Variants in LRP1B observed in about 807,000 individuals in gnomAD.
LRP1B encodes the protein low-density lipoprotein receptor-related protein 1B.
Under a neutral mutation model 556.6 loss-of-function variants are expected in LRP1B, and 217 were observed. The observed-to-expected ratio is 0.39, with a 90% CI of 0.35 to 0.44. The LOEUF (loss-of-function observed/expected upper bound fraction) is 0.44. Among genes scored for constraint, LRP1B ranks in the 20% least tolerant of loss-of-function variants. LRP1B has a pLI of 1.00. For synonymous variants in LRP1B, 2,047 were observed against 1,865.8 expected, an observed-to-expected ratio of 1.10 and a Z score of -2.50; for missense variants, 5,053 against 5,620.8, an observed-to-expected ratio of 0.90 and a Z score of 3.23.
intron 3 of LRP1B, among the ~76,000 whole-genome samples, chr2:141,270,468 G>A (rs1685047624): frequency 6.6e-6 from 1 of 152,002 alleles, no homozygotes; most frequent in African/African-American, 2.4e-5. Context: ...GTCTCAAAGA[G>A]ATATTTGTAC....
intron 83 of LRP1B, among the ~76,000 whole-genome samples, chr2:140,302,013 T>C (rs891872713): frequency 6.6e-6 from 1 of 152,076 alleles, no homozygotes; most frequent in Admixed American, 6.6e-5. Flanking sequence ...ATTATCTTCT[T>C]CAAATTTTCT....
chr2:141,426,895 C>A (rs1034085519), intron 3 of LRP1B, among the ~76,000 whole-genome samples: 2 of 152,060 alleles, frequency 1.3e-5, no homozygotes, highest in African/African-American at 4.8e-5. Context: ...TTTTATTATA[C>A]TTTAAGTTCT....
chr2:141,791,561 A>T (rs965961530), intron 2 of LRP1B, among the ~76,000 whole-genome samples: 7 of 152,066 alleles, frequency 4.6e-5, no homozygotes, highest in African/African-American at 1.7e-4. Context: ...GTAGTGCCTA[A>T]TATTTGCAAT....
chr2:142,091,141 TAAG>T (rs1238722249), intron 1 of LRP1B, among the ~76,000 whole-genome samples: 1 of 152,128 alleles, frequency 6.6e-6, no homozygotes, highest in Non-Finnish European at 1.5e-5. Flanking sequence ...AAAAACTGAA[TAAG>T]AAGACTGCTC....
At chr2:141,390,769 G>T (rs543443222) in intron 3 of LRP1B, among the ~76,000 whole-genome samples, 10 of 152,308 alleles carry the variant, frequency 6.6e-5, no homozygotes, top group South Asian at 6.2e-4. Context: ...AGTTTTTAGG[G>T]GCTGGAGTGA....
At chr2:141,470,190 T>C (rs3936045) in intron 3 of LRP1B, among the ~76,000 whole-genome samples, 104,230 of 152,052 alleles carry the variant, frequency 0.69, 37,174 homozygotes, top group East Asian at 0.84. Context: ...CCAGATTCCA[T>C]CATGAAAGTT....
intron 42 of LRP1B, among the ~76,000 whole-genome samples, chr2:140,601,116 T>C (rs917942035): frequency 6.6e-6 from 1 of 151,308 alleles, no homozygotes; most frequent in African/African-American, 2.4e-5. Context: ...TAGTCTTCCG[T>C]GTATGTTAAT....
chr2:140,745,532 C>A (rs892899236), intron 35 of LRP1B, among the ~76,000 whole-genome samples: 1 of 152,100 alleles, frequency 6.6e-6, no homozygotes, highest in African/African-American at 2.4e-5. Flanking sequence ...AAACAAGTTG[C>A]AAGATGAGTA....
At chr2:141,089,382 A>G (rs1700122041) in intron 7 of LRP1B, among the ~76,000 whole-genome samples, 1 of 152,228 alleles carries the variant, frequency 6.6e-6, no homozygotes, top group Non-Finnish European at 1.5e-5. Flanking sequence ...TTTGGCAGAT[A>G]TATTCTTTTG....
intron 27 of LRP1B, 127 bp from the exon 28 acceptor site, chr2:140,851,910 G>A: frequency 1.5e-6 from 1 of 651,880 alleles, no homozygotes; most frequent in Non-Finnish European, 2.5e-6. Context: ...CATTAGTAGG[G>A]TGATTAATAT....
intron 32 of LRP1B, among the ~76,000 whole-genome samples, chr2:140,779,463 A>G (rs1408299220): frequency 6.6e-6 from 1 of 152,150 alleles, no homozygotes; most frequent in African/African-American, 2.4e-5. Flanking sequence ...TTGGGAGGCC[A>G]AAGTGGGTGG....
At chr2:140,498,564 C>A (rs1272123494) in intron 55 of LRP1B, among the ~76,000 whole-genome samples, 1 of 151,716 alleles carries the variant, frequency 6.6e-6, no homozygotes, top group East Asian at 1.9e-4. Flanking sequence ...GTAAGCAATT[C>A]TCGTTTTATT....
chr2:140,399,738 G>T (rs1406164913), intron 66 of LRP1B, among the ~76,000 whole-genome samples: 2 of 152,132 alleles, frequency 1.3e-5, no homozygotes, highest in Non-Finnish European at 2.9e-5. Context: ...TACCCCAATG[G>T]CAGGCTGTAA....
intron 27 of LRP1B, among the ~76,000 whole-genome samples, chr2:140,856,688 T>C (rs990992549): frequency 2.0e-4 from 30 of 152,092 alleles, no homozygotes; most frequent in African/African-American, 7.0e-4. Flanking sequence ...GGTTGTACTT[T>C]GTCACTCTCT....
intron 7 of LRP1B, among the ~76,000 whole-genome samples, chr2:141,096,259 C>G (rs972085926): frequency 2.0e-5 from 3 of 151,960 alleles, no homozygotes; most frequent in Non-Finnish European, 4.4e-5. Flanking sequence ...AAAGAGTGTG[C>G]TTCTTCTTTT....
chr2:141,909,541 T>A (rs1574484341), intron 1 of LRP1B, among the ~76,000 whole-genome samples: 4 of 45,364 alleles, frequency 8.8e-5, no homozygotes, highest in South Asian at 1.1e-3. Flanking sequence ...TTTTTTTTTT[T>A]TTTTTTTTTT....
At chr2:140,551,353 T>G (rs1213222443) in intron 43 of LRP1B, among the ~76,000 whole-genome samples, 2 of 152,104 alleles carry the variant, frequency 1.3e-5, no homozygotes, top group African/African-American at 4.8e-5. Flanking sequence ...GGAGGGGGAC[T>G]GGGAAGAAAG....
intron 3 of LRP1B, among the ~76,000 whole-genome samples, chr2:141,460,883 T>G (rs1167243778): frequency 3.3e-5 from 5 of 152,122 alleles, no homozygotes; most frequent in Non-Finnish European, 5.9e-5. Flanking sequence ...AGGAAAAAGC[T>G]ATAATAGTTC....
chr2:140,499,421 CAA>C (rs201663240), intron 55 of LRP1B, among the ~76,000 whole-genome samples: 20 of 151,598 alleles, frequency 1.3e-4, no homozygotes, highest in Non-Finnish European at 1.8e-4. Flanking sequence ...TCACATAGAA[CAA>C]ACACACACAC....
Sources: allele counts gnomAD v4.1 joint callset (sites outside exome capture counted in the v4.1 genomes callset), GRCh38; gene constraint gnomAD v4.1.1; transcripts MANE v1.5; gene names NCBI Gene and HGNC (gene_info 2026-07-23, HGNC 2026-07-21).